Variants in CCDC102A observed in about 807,000 individuals in gnomAD.
CCDC102A encodes the protein coiled-coil domain containing 102A, also known as coiled-coil domain-containing protein 102A.
Under a neutral mutation model 55.5 loss-of-function variants are expected in CCDC102A, and 40 were observed. The ratio of observed to expected loss-of-function variants is 0.72; its 90% CI spans 0.56 to 0.94. CCDC102A has a LOEUF of 0.94. Among genes scored for constraint, CCDC102A ranks in the 40% least tolerant of loss-of-function variants. The pLI, the probability that CCDC102A is intolerant of heterozygous loss-of-function variation, is 0.00. For synonymous variants in CCDC102A, 323 were observed against 339.0 expected (o/e 0.95, Z 0.52); for missense variants, 779 against 768.6 (o/e 1.01, Z -0.16).
At chr16:57,530,420 C>T (rs1266953100) in intron 1 of CCDC102A, among the ~76,000 whole-genome samples, 2 of 152,158 alleles carry the variant, frequency 1.3e-5, no homozygotes, top group African/African-American at 4.8e-5. Flanking sequence ...AGGCAGAGAG[C>T]CCTGGTCCAC....
Position 57,529,146 on chromosome 16 carries a change from T to G in CCDC102A, c.32A>C (p.Glu11Ala). The stretch of plus-strand genomic sequence containing the variant: ...GCTGCCCTTGGACAGCTGCGGGGAC[T>G]CGGCCAGCCGGGGGCTGGGCCCGTG... MSHGPSPRLA[E>A]SPQLSKGSLL... The change falls in exon 2 of 9, where the codon GAG (glutamate) becomes GCG (alanine). Residue 11 changes from glutamate to alanine, a missense_variant. Glu to Ala is a moderately radical substitution (Grantham distance 107). Coordinates refer to ENST00000258214, the MANE Select transcript of CCDC102A (RefSeq NM_033212.4). The surrounding 1 kb of genome is among the most constrained non-coding windows in gnomAD (Gnocchi z 4.1). 8.4e-7 allele frequency: 1 copy of G among 1,184,966 alleles called. No homozygotes were observed. The highest frequency in any genetic ancestry group is 1.0e-6 in the Non-Finnish European group (1 of 957,468). 73.4% of individuals were successfully genotyped at this position (1,184,966 alleles called of 1,614,324 possible).
At chr16:57,527,418 C>CTTTTTTT (rs779320962) in intron 2 of CCDC102A, among the ~76,000 whole-genome samples, 1 of 87,522 alleles carries the variant, frequency 1.1e-5, no homozygotes. Flanking sequence ...ATTGCTGCTG[C>CTTTTTTT]TTTTTTTTTT....
chr16:57,529,292 C>G lies in CCDC102A; in HGVS notation c.-115G>C, dbSNP rs2032208398. The G allele has an allele frequency of 1.8e-6, 2 of 1,119,336 alleles. No individual in the cohort carries two copies. The highest frequency in any genetic ancestry group is 2.2e-6 in the Non-Finnish European group (2 of 914,768). 69.3% of individuals were successfully genotyped at this position (1,119,336 alleles called of 1,614,324 possible). A position where few individuals can be genotyped will look rare whatever the true frequency, so the allele number is the denominator to read the frequency against. On this transcript the variant is annotated 5_prime_UTR_variant, in exon 2 of 9. Transcript: ENST00000258214. This position sits in a 1 kb window ranked among gnomAD's most constrained non-coding sequence, Gnocchi z 4.1. ...TGATGACGCCGTGCCCCGCTTCCCTCTGGGCCACCGGGCGGAGGACGCCTC... is the reference window on the plus strand; with the variant it reads ...TGATGACGCCGTGCCCCGCTTCCCTGTGGGCCACCGGGCGGAGGACGCCTC...
chr16:57,535,640 C>T (rs757755917), intron 1 of CCDC102A, among the ~76,000 whole-genome samples: 9 of 149,756 alleles, frequency 6.0e-5, no homozygotes, highest in Non-Finnish European at 1.0e-4. Flanking sequence ...CCGACCCCAG[C>T]CCCACCCCTC....
At chr16:57,525,834 G>A (rs2032129279) in intron 3 of CCDC102A, 67 bp downstream of exon 3, 1 of 1,404,296 alleles carries the variant, frequency 7.1e-7, no homozygotes, top group Non-Finnish European at 1.0e-6. Context: ...CTAATGTTCT[G>A]TGATTCTGAG....
intron 3 of CCDC102A, among the ~76,000 whole-genome samples, chr16:57,523,108 T>C (rs1424629845): frequency 6.6e-6 from 1 of 151,836 alleles, no homozygotes; most frequent in Non-Finnish European, 1.5e-5. Context: ...CAAGAGATTG[T>C]AGTGAGCTGA....
At chr16:57,512,995 A>C in intron 8 of CCDC102A, 125 bp from the exon 9 acceptor site, 1 of 737,142 alleles carries the variant, frequency 1.4e-6, no homozygotes, top group Non-Finnish European at 2.2e-6. Context: ...CATCTCCTGT[A>C]ATCTCCTTAT....
At chr16:57,515,609 C>T (rs1470419162) in intron 7 of CCDC102A, among the ~76,000 whole-genome samples, 165 bp from the exon 8 acceptor site, 5 of 152,078 alleles carry the variant, frequency 3.3e-5, no homozygotes, top group African/African-American at 4.8e-5. Flanking sequence ...AGAAAAGCAT[C>T]CCTTTGGTTC....
At chr16:57,515,004 G>A (rs533185759) in intron 8 of CCDC102A, among the ~76,000 whole-genome samples, 97 of 152,216 alleles carry the variant, frequency 6.4e-4, no homozygotes, top group African/African-American at 2.2e-3. Context: ...GCCCAGTAAC[G>A]CTGAGGGCTG....
At chr16:57,534,455 CTCCT>C (rs1435499902) in intron 1 of CCDC102A, among the ~76,000 whole-genome samples, 4 of 152,218 alleles carry the variant, frequency 2.6e-5, no homozygotes, top group African/African-American at 9.7e-5. Flanking sequence ...TGGAATATCT[CTCCT>C]TCCTTCATCA....
At chr16:57,530,485 C>G (rs1220776085) in intron 1 of CCDC102A, among the ~76,000 whole-genome samples, 2 of 152,182 alleles carry the variant, frequency 1.3e-5, no homozygotes, top group Admixed American at 6.5e-5. Flanking sequence ...AGTGTACTGT[C>G]GGTGGGACTC....
intron 3 of CCDC102A, among the ~76,000 whole-genome samples, chr16:57,522,149 A>C (rs1490366223): frequency 6.6e-6 from 1 of 152,246 alleles, no homozygotes; most frequent in African/African-American, 2.4e-5. Context: ...TCTGATTTAC[A>C]TTGAAACAGA....
Position 57,512,285 on chromosome 16 carries a change from AC to A in CCDC102A, c.*455del. The A allele has an allele frequency of 2.5e-6, 1 of 397,542 alleles. No individual in the cohort carries two copies. The highest frequency in any genetic ancestry group is 4.4e-6 in the Non-Finnish European group (1 of 225,828). 24.6% of individuals were successfully genotyped at this position (397,542 alleles called of 1,614,324 possible). A position where few individuals can be genotyped will look rare whatever the true frequency, so the allele number is the denominator to read the frequency against. On this transcript the variant is annotated 3_prime_UTR_variant, in exon 9 of 9. Transcript: ENST00000258214. ...CACAACCCCCGCCCACATCTGCCAT[AC>A]TTTCAGATGCCCCAAGAACTTGAAC...
chr16:57,519,048 C>T (rs1209004856), intron 4 of CCDC102A, among the ~76,000 whole-genome samples: 1 of 152,230 alleles, frequency 6.6e-6, no homozygotes, highest in African/African-American at 2.4e-5. Flanking sequence ...CACCCTCCTC[C>T]CACAAAGCCT....
rs2032201912 is a variant in CCDC102A, at chr16:57,529,035, G to A, written c.143C>T (p.Ser48Leu). 6.3e-6 allele frequency: 7 copies of A among 1,111,202 alleles called. No individual in the cohort carries two copies. Among genetic ancestry groups the A allele is most frequent in the Non-Finnish European group, 7.7e-6 (7 of 910,618 alleles). The allele number at this position is 1,111,202 out of a possible 1,614,324, so 68.8% of individuals were successfully genotyped here. Residue 48 changes from serine (S) to leucine (L), a missense_variant, in exon 2 of 9, where the codon TCG becomes TTG. Physicochemically the swap from Ser to Leu is moderately radical, Grantham distance 145. Transcript: ENST00000258214. This position sits in a 1 kb window ranked among gnomAD's most constrained non-coding sequence, Gnocchi z 4.1. ...LPPTPPSGTP[S>L]PGPPPALPLP... ...GGGCAGTGCGGGCGGCGGCCCGGGC[G>A]AGGGCGTGCCGCTGGGCGGCGTGGG... is the stretch of plus-strand genomic sequence containing the variant.
At chr16:57,531,097 C>G (rs2032251600) in intron 1 of CCDC102A, among the ~76,000 whole-genome samples, 1 of 152,024 alleles carries the variant, frequency 6.6e-6, no homozygotes, top group Admixed American at 6.5e-5. Flanking sequence ...CCTGCCCGAG[C>G]CATCTCGCTA....
At position 57,528,752 on chromosome 16, in the gene CCDC102A, CT is replaced by C; in HGVS notation, c.425del (p.Glu142GlyfsTer19). On this transcript the variant is annotated frameshift_variant, in exon 2 of 9. Coordinates refer to ENST00000258214, the MANE Select transcript of CCDC102A (RefSeq NM_033212.4). LOFTEE classifies it high-confidence loss of function. ...CGCACTCGCCCTGCGCCTCTTGGCGCTCGCGCCGTGCGCCCGCCAGCTCCTT... is the reference window on the plus strand; with the variant it reads ...CGCACTCGCCCTGCGCCTCTTGGCGCCGCGCCGTGCGCCCGCCAGCTCCTT... Reference protein sequence around the residue: ...LTKELAGARRERQEAQGECEA... With the variant: ...LTKELAGARRXRQEAQGECEA... 1 of 1,176,354 alleles carries C rather than the reference CT, an allele frequency of 8.5e-7. No homozygotes were observed. Among genetic ancestry groups the C allele is most frequent in the Non-Finnish European group, 1.1e-6 (1 of 944,630 alleles). 72.9% of individuals were successfully genotyped at this position (1,176,354 alleles called of 1,614,324 possible).
intron 1 of CCDC102A, among the ~76,000 whole-genome samples, chr16:57,530,210 A>G (rs2032229891): frequency 6.6e-6 from 1 of 151,894 alleles, no homozygotes; most frequent in Non-Finnish European, 1.5e-5. Flanking sequence ...CACCGCAAAC[A>G]GCTCTCTTGT....
chr16:57,518,577 C>A, intron 5 of CCDC102A, 48 bp downstream of exon 5: 2 of 1,469,444 alleles, frequency 1.4e-6, no homozygotes, highest in South Asian at 2.3e-5. Context: ...GAGCAGGGCC[C>A]CAGGACCCCT....
Sources: allele counts gnomAD v4.1 joint callset (sites outside exome capture counted in the v4.1 genomes callset), GRCh38; gene constraint gnomAD v4.1.1; non-coding constraint Gnocchi (gnomAD v3.1); transcripts MANE v1.5; gene names NCBI Gene and HGNC (gene_info 2026-07-23, HGNC 2026-07-21).